Variants in NR2E1 observed in about 807,000 individuals in gnomAD.
NR2E1 encodes the protein nuclear receptor subfamily 2 group E member 1, also known as nuclear receptor TLX.
A neutral mutation model predicts 43.6 loss-of-function variants in NR2E1; 5 were observed. The ratio of observed to expected loss-of-function variants is 0.11; its 90% CI spans 0.06 to 0.24. NR2E1 has a LOEUF of 0.24. Ranked by LOEUF, NR2E1 falls within the 10% of genes least tolerant of loss-of-function variation. NR2E1 has a pLI of 1.00. For synonymous variants in NR2E1, 191 were observed against 195.5 expected (o/e 0.98, Z 0.19); for missense variants, 287 against 496.7 (o/e 0.58, Z 4.01).
intron 8 of NR2E1, among the ~76,000 whole-genome samples, chr6:108,185,433 T>C (rs1774062429): frequency 1.5e-5 from 2 of 132,106 alleles, no homozygotes; most frequent in South Asian, 2.8e-4. Context: ...CACACACACA[T>C]TGTTTTTGTT....
intron 2 of NR2E1, among the ~76,000 whole-genome samples, chr6:108,172,463 C>T (rs927806004): frequency 1.3e-5 from 2 of 152,132 alleles, no homozygotes; most frequent in African/African-American, 4.8e-5. Flanking sequence ...TGAGCAGAAC[C>T]TCTTGACTCA....
At chr6:108,184,891 A>G (rs1774049105) in intron 8 of NR2E1, among the ~76,000 whole-genome samples, 1 of 152,228 alleles carries the variant, frequency 6.6e-6, no homozygotes, top group African/African-American at 2.4e-5. Flanking sequence ...AATATCAAAT[A>G]AGTATCTTAT....
chr6:108,186,958 T>C (rs1035462840), intron 8 of NR2E1, among the ~76,000 whole-genome samples: 3 of 152,244 alleles, frequency 2.0e-5, no homozygotes, highest in African/African-American at 7.2e-5. Context: ...CTCAATGCCC[T>C]GGTCGTTTTC....
At position 108,176,664 on chromosome 6, in the gene NR2E1, G is replaced by A. The variant is rs775649242; in HGVS notation, c.421G>A (p.Gly141Ser). 3 of 1,604,174 alleles carry A rather than the reference G, an allele frequency of 1.9e-6. No homozygotes were observed. Among genetic ancestry groups the A allele is most frequent in the East Asian group, 4.5e-5 (2 of 44,696 alleles). ...CGCGGTCACGCAGCTGGAGCCGCAC[G>A]GCCTGGAGCTGGCCGCGGTGTCCAC... is the stretch of plus-strand genomic sequence containing the variant. Reference protein sequence around the residue: ...FTAVTQLEPHGLELAAVSTTP... With the variant: ...FTAVTQLEPHSLELAAVSTTP... The change falls in exon 4 of 9, where the codon GGC becomes AGC. Residue 141 changes from glycine (G) to serine (S), a missense_variant. Around this residue, in one of 4 missense-constraint regions of NR2E1, gnomAD observed 119 missense variants for 155.7 expected, o/e 0.76. Coordinates refer to ENST00000368986, the MANE Select transcript of NR2E1 (RefSeq NM_003269.5).
intron 3 of NR2E1, 171 bp from the exon 4 acceptor site, chr6:108,176,332 C>A (rs1773896308): frequency 3.2e-6 from 2 of 634,294 alleles, no homozygotes; most frequent in African/African-American, 1.8e-5. Context: ...AGTGGTTAGA[C>A]GATCTCAGAA....
intron 2 of NR2E1, among the ~76,000 whole-genome samples, chr6:108,173,462 A>G (rs967968083): frequency 6.6e-6 from 1 of 152,220 alleles, no homozygotes; most frequent in African/African-American, 2.4e-5. Flanking sequence ...CCAATTTATT[A>G]TTAACAGTAA....
At chr6:108,168,233 C>T in intron 1 of NR2E1, 1 of 1,449,366 alleles carries the variant, frequency 6.9e-7, no homozygotes, top group East Asian at 2.4e-5. Flanking sequence ...CTCAGGAGGC[C>T]GTTTCTGTTG....
chr6:108,181,742 T>C, intron 8 of NR2E1, 91 bp downstream of exon 8: 1 of 921,896 alleles, frequency 1.1e-6, no homozygotes, highest in Non-Finnish European at 1.8e-6. Flanking sequence ...TCAAACATTG[T>C]GACTAATTAT....
Position 108,180,793 on chromosome 6 carries a change from T to A in NR2E1, c.740-14T>A, listed in dbSNP as rs1398250777. The A allele has an allele frequency of 9.3e-6, 15 of 1,613,196 alleles. No homozygotes were observed. Among genetic ancestry groups the A allele is most frequent in the Non-Finnish European group, 1.3e-5 (15 of 1,179,120 alleles). On this transcript the variant is annotated splice_polypyrimidine_tract_variant and intron_variant, in intron 6 of 8. Transcript: ENST00000368986. This position sits in a 1 kb window ranked among gnomAD's most constrained non-coding sequence, Gnocchi z 5.4. ...CCTTCATATTAGAGTATTTATCCCA[T>A]ATTTTTATTCTAGGCATGAACGGTG...
In NR2E1 at chr6:108,187,357, G is replaced by A. The variant is rs781648404; in HGVS notation, c.1052G>A (p.Arg351His). 8 of 1,614,064 alleles carry A rather than the reference G, an allele frequency of 5.0e-6. No homozygotes were observed. The highest frequency in any genetic ancestry group is 2.2e-5 in the South Asian group (2 of 91,082). ...CTCCTGTTGCTTTTGCCAGCTTTAC[G>A]TTCTATTAGCCCATCAACTATAGAA... ...GKLLLLLPALRSISPSTIEEV... is the reference protein window; with the variant it reads ...GKLLLLLPALHSISPSTIEEV... The change falls in exon 9 of 9, where the codon CGT (arginine) becomes CAT (histidine). Residue 351 changes from arginine (R) to histidine (H), a missense_variant. Transcript: ENST00000368986.
chr6:108,185,621 C>G (rs1362124077), intron 8 of NR2E1, among the ~76,000 whole-genome samples: 1 of 152,140 alleles, frequency 6.6e-6, no homozygotes, highest in Non-Finnish European at 1.5e-5. Flanking sequence ...AACTCCTGGG[C>G]TCAAGCGATG....
chr6:108,176,295 G>A, intron 3 of NR2E1: 2 of 599,122 alleles, frequency 3.3e-6, no homozygotes, highest in Non-Finnish European at 3.0e-6. Context: ...CCTCTTCTAA[G>A]CCTCAGCTTC....
chr6:108,176,460 C>A, intron 3 of NR2E1, 43 bp from the exon 4 acceptor site: 4 of 1,586,730 alleles, frequency 2.5e-6, no homozygotes, highest in Non-Finnish European at 3.4e-6. Flanking sequence ...TGTGTCTCGA[C>A]GTCTCTAATC....
chr6:108,178,025 A>G (rs1773927742), intron 4 of NR2E1, 70 bp from the exon 5 acceptor site: 8 of 1,536,288 alleles, frequency 5.2e-6, no homozygotes, highest in Non-Finnish European at 7.2e-6. Context: ...ATTAGAAATT[A>G]AAAGTTTGGT....
intron 8 of NR2E1, among the ~76,000 whole-genome samples, chr6:108,182,427 G>A (rs551638570): frequency 6.6e-6 from 1 of 152,134 alleles, no homozygotes; most frequent in Admixed American, 6.5e-5. Context: ...TGCCCAGGCT[G>A]GAAGGCTGAA....
chr6:108,181,443 C>A, intron 7 of NR2E1, 103 bp from the exon 8 acceptor site: 1 of 946,022 alleles, frequency 1.1e-6, no homozygotes, highest in Non-Finnish European at 1.7e-6. Context: ...ATCCGCCTGC[C>A]TCGGCCTCCC....
chr6:108,166,223 T>C lies in NR2E1; in HGVS notation c.-543T>C, dbSNP rs1773705904. 1 of 152,702 alleles carries C rather than the reference T, an allele frequency of 6.5e-6. No homozygotes were observed. Among genetic ancestry groups the C allele is most frequent in the Admixed American group, 6.5e-5 (1 of 15,286 alleles). 9.5% of individuals were successfully genotyped at this position (152,702 alleles called of 1,614,324 possible). A position where few individuals can be genotyped will look rare whatever the true frequency, so the allele number is the denominator to read the frequency against. On this transcript the variant is annotated 5_prime_UTR_variant, in exon 1 of 9. Coordinates refer to ENST00000368986, the MANE Select transcript of NR2E1 (RefSeq NM_003269.5). The surrounding 1 kb of genome is among the most constrained non-coding windows in gnomAD (Gnocchi z 7.2). ...GCAATCTAGTTTTCCCACTCTGCGC[T>C]TGGGTTCCGGCAGCGCGGAGCCCGT...
chr6:108,176,734 C>A lies in NR2E1; in HGVS notation c.491C>A (p.Pro164His). ...QTLVSLAQPTPKYPHEVNGTP... is the reference protein window; with the variant it reads ...QTLVSLAQPTHKYPHEVNGTP... ...CTCGTGAGCCTGGCTCAGCCCACGCCCAAGGTCAGCGGCCTTGCTGGGCCC... is the reference window on the plus strand; with the variant it reads ...CTCGTGAGCCTGGCTCAGCCCACGCACAAGGTCAGCGGCCTTGCTGGGCCC... Residue 164 changes from proline (P) to histidine (H), a missense_variant, in exon 4 of 9, where the codon CCC becomes CAC. Pro to His is a moderately conservative substitution (Grantham distance 77, BLOSUM62 -2). Coordinates refer to ENST00000368986, the MANE Select transcript of NR2E1 (RefSeq NM_003269.5). 6.4e-7 allele frequency: 1 copy of A among 1,563,838 alleles called. No individual in the cohort carries two copies. The highest frequency in any genetic ancestry group is 1.3e-5 in the African/African-American group (1 of 74,216).
At chr6:108,176,330 G>C in intron 3 of NR2E1, 173 bp from the exon 4 acceptor site, 5 of 632,798 alleles carry the variant, frequency 7.9e-6, no homozygotes, top group African/African-American at 1.8e-5. Context: ...GTAGTGGTTA[G>C]ACGATCTCAG....
Sources: allele counts gnomAD v4.1 joint callset (sites outside exome capture counted in the v4.1 genomes callset), GRCh38; gene constraint gnomAD v4.1.1; regional missense constraint gnomAD v4.1.1; non-coding constraint Gnocchi (gnomAD v3.1); transcripts MANE v1.5; gene names NCBI Gene and HGNC (gene_info 2026-07-23, HGNC 2026-07-21).